Variants in PYGO1 observed in about 807,000 individuals in gnomAD.
The protein encoded by PYGO1 is pygopus family PHD finger 1, also known as pygopus homolog 1.
A neutral mutation model predicts 29.5 loss-of-function variants in PYGO1; 6 were observed. The ratio of observed to expected loss-of-function variants is 0.20; its 90% CI spans 0.11 to 0.40. PYGO1 has a LOEUF of 0.40. Among genes scored for constraint, PYGO1 ranks in the 10% least tolerant of loss-of-function variants. The pLI, the probability that PYGO1 is intolerant of heterozygous loss-of-function variation, is 1.00. For synonymous variants in PYGO1, 186 were observed against 180.5 expected, an observed-to-expected ratio of 1.03 and a Z score of -0.24; for missense variants, 515 against 514.9, an observed-to-expected ratio of 1.00 and a Z score of 0.00.
At position 55,540,767 on chromosome 15, in the gene PYGO1, A is replaced by G. The variant is rs574046755; in HGVS notation, c.*5256T>C. 6.6e-6 allele frequency: 1 copy of G among 152,328 alleles called. No individual in the cohort carries two copies. The highest frequency in any genetic ancestry group is 2.4e-5 in the African/African-American group (1 of 41,580). 9.4% of individuals were successfully genotyped at this position (152,328 alleles called of 1,614,324 possible). ...CACTAGTGCATGTGTTACTTTAGAC[A>G]TGTTCTAAGAACAAAACAAAAAGTT... On this transcript the variant is annotated 3_prime_UTR_variant, in exon 3 of 3. Coordinates refer to ENST00000563719, the MANE Select transcript of PYGO1 (RefSeq NM_001367806.1).
At chr15:55,586,976 T>C (rs1369849419) in intron 1 of PYGO1, among the ~76,000 whole-genome samples, 1 of 152,272 alleles carries the variant, frequency 6.6e-6, no homozygotes, top group Non-Finnish European at 1.5e-5. Flanking sequence ...TGTTCACTGC[T>C]GTATCCCAGT....
At chr15:55,563,415 G>C (rs985641560) in intron 1 of PYGO1, among the ~76,000 whole-genome samples, 4 of 144,218 alleles carry the variant, frequency 2.8e-5, no homozygotes, top group African/African-American at 1.0e-4. Context: ...CGCCCAGGCT[G>C]GAGTGCAGTG....
At position 55,587,793 on chromosome 15, in the gene PYGO1, C is replaced by T. The variant is rs943085782; in HGVS notation, c.49+42G>A. ...GCCGGGCACGGGGCCCCGCGCACCT[C>T]ACTCACCCCGGTTCCCCCAATCCGG... On this transcript the variant is annotated intron_variant, in intron 1 of 2. Coordinates refer to ENST00000563719, the MANE Select transcript of PYGO1 (RefSeq NM_001367806.1). The T allele has an allele frequency of 4.3e-5, 63 of 1,470,954 alleles. No individual in the cohort carries two copies. The East Asian group carries it at 6.5e-4, about 15-fold the overall frequency. 91.1% of individuals were successfully genotyped at this position (1,470,954 alleles called of 1,614,324 possible).
At chr15:55,566,388 C>CA (rs57006291) in intron 1 of PYGO1, among the ~76,000 whole-genome samples, 21 of 146,392 alleles carry the variant, frequency 1.4e-4, no homozygotes, top group African/African-American at 4.5e-4. Context: ...CATATTGCTA[C>CA]AAAAAAAAAA....
intron 2 of PYGO1, among the ~76,000 whole-genome samples, chr15:55,548,478 C>T (rs571853428): frequency 1.1e-3 from 163 of 151,520 alleles, no homozygotes; most frequent in African/African-American, 2.8e-3. Flanking sequence ...GAGGCCGAGG[C>T]GGGTGGATCA....
rs569633307 is a variant in PYGO1 at position 55,541,000 on chromosome 15, T to A, written c.*5023A>T. ...ATTTTGACAAACAAGCAACATCATC[T>A]ACACATCTACAGAACAAGAAAGGTA... On this transcript the variant is annotated 3_prime_UTR_variant, in exon 3 of 3. Coordinates refer to ENST00000563719, the MANE Select transcript of PYGO1 (RefSeq NM_001367806.1). 2 of 152,234 alleles carry A rather than the reference T, an allele frequency of 1.3e-5. No homozygotes were observed. The highest frequency in any genetic ancestry group is 2.4e-5 in the African/African-American group (1 of 41,466). The allele number at this position is 152,234 out of a possible 1,614,324, so 9.4% of individuals were successfully genotyped here.
At chr15:55,585,017 G>A (rs1377243633) in intron 1 of PYGO1, among the ~76,000 whole-genome samples, 1 of 152,108 alleles carries the variant, frequency 6.6e-6, no homozygotes, top group Non-Finnish European at 1.5e-5. Context: ...GTAGATCCAC[G>A]AATCTATATT....
intron 1 of PYGO1, among the ~76,000 whole-genome samples, chr15:55,582,206 C>A (rs866769901): frequency 1.3e-3 from 140 of 104,052 alleles, no homozygotes; most frequent in Middle Eastern, 5.1e-3. Flanking sequence ...GGCTCCATCT[C>A]AAAAAAAAAA....
intron 1 of PYGO1, among the ~76,000 whole-genome samples, chr15:55,581,868 A>C (rs2059026212): frequency 6.6e-6 from 1 of 152,182 alleles, no homozygotes; most frequent in Non-Finnish European, 1.5e-5. Context: ...AAAACCTAAA[A>C]TAAAGCAGCA....
Position 55,546,009 on chromosome 15 carries a change from G to A in PYGO1, c.*14C>T. On this transcript the variant is annotated 3_prime_UTR_variant, in exon 3 of 3. Transcript: ENST00000563719. Reference sequence around the variant, plus strand: ...TGCACAGGAAAATAAACCCACTTTAGTTAATGCCTTTGATTAAGCATCACT... The same window carrying A: ...TGCACAGGAAAATAAACCCACTTTAATTAATGCCTTTGATTAAGCATCACT... 6.3e-7 allele frequency: 1 copy of A among 1,577,638 alleles called. No individual in the cohort carries two copies. Among genetic ancestry groups the A allele is most frequent in the African/African-American group, 1.4e-5 (1 of 73,862 alleles).
chr15:55,586,840 T>G (rs1324243512), intron 1 of PYGO1, among the ~76,000 whole-genome samples: 2 of 152,172 alleles, frequency 1.3e-5, no homozygotes, highest in Non-Finnish European at 2.9e-5. Flanking sequence ...ACATATTTCC[T>G]CTCCTCTATT....
At chr15:55,576,381 G>T (rs1321590925) in intron 1 of PYGO1, among the ~76,000 whole-genome samples, 1 of 138,966 alleles carries the variant, frequency 7.2e-6, no homozygotes, top group African/African-American at 2.7e-5. Context: ...GCGTGAACCC[G>T]GGAGGCGGAG....
At chr15:55,552,751 C>T (rs2058885134) in intron 1 of PYGO1, among the ~76,000 whole-genome samples, 1 of 152,132 alleles carries the variant, frequency 6.6e-6, no homozygotes, top group Admixed American at 6.5e-5. Flanking sequence ...AGAGCAGCCA[C>T]TCAGGCACAC....
At chr15:55,566,623 C>A (rs1265209863) in intron 1 of PYGO1, among the ~76,000 whole-genome samples, 1 of 152,134 alleles carries the variant, frequency 6.6e-6, no homozygotes, top group African/African-American at 2.4e-5. Context: ...AACAGTAGTT[C>A]TGTTTTAATT....
chr15:55,550,581 G>C (rs1376340989), intron 1 of PYGO1, among the ~76,000 whole-genome samples: 1 of 152,120 alleles, frequency 6.6e-6, no homozygotes, highest in Non-Finnish European at 1.5e-5. Flanking sequence ...AATCCTCTAG[G>C]TTCTCATAAC....
At chr15:55,586,918 T>C (rs1007828731) in intron 1 of PYGO1, among the ~76,000 whole-genome samples, 1 of 152,226 alleles carries the variant, frequency 6.6e-6, no homozygotes, top group African/African-American at 2.4e-5. Flanking sequence ...CATTTGTTTA[T>C]CCCACAAGAG....
intron 1 of PYGO1, among the ~76,000 whole-genome samples, chr15:55,587,526 G>A (rs1305686350): frequency 6.6e-6 from 1 of 152,022 alleles, no homozygotes; most frequent in African/African-American, 2.4e-5. Context: ...CACCCTTTGA[G>A]GTGCCTATTG....
At chr15:55,551,659 T>C (rs1055990594) in intron 1 of PYGO1, among the ~76,000 whole-genome samples, 3 of 151,596 alleles carry the variant, frequency 2.0e-5, no homozygotes, top group Admixed American at 6.6e-5. Flanking sequence ...AAAAAAAAAT[T>C]AGCCAGGTAT....
rs1416668614 is a variant in PYGO1, at chr15:55,543,400, A to G, written c.*2623T>C. The G allele has an allele frequency of 6.6e-6, 1 of 152,186 alleles. No individual in the cohort carries two copies. The highest frequency in any genetic ancestry group is 1.9e-4 in the East Asian group (1 of 5,198). 9.4% of individuals were successfully genotyped at this position (152,186 alleles called of 1,614,324 possible). On this transcript the variant is annotated 3_prime_UTR_variant, in exon 3 of 3. Coordinates refer to ENST00000563719, the MANE Select transcript of PYGO1 (RefSeq NM_001367806.1). ...ACATGAACGCTATTCATCAGCTATG[A>G]TTACAGTTTGGCTATGATTCACTAT...
Sources: gnomAD v4.1 joint callset for allele counts (sites outside exome capture counted in the v4.1 genomes callset) on GRCh38, gnomAD v4.1.1 for gene constraint, MANE v1.5 for transcripts, NCBI Gene and HGNC (gene_info 2026-07-23, HGNC 2026-07-21) for gene names.